GALNT17: variants seen among roughly 807,000 people sequenced by gnomAD.
GALNT17 encodes polypeptide N-acetylgalactosaminyltransferase 17.
GALNT17 carries 29 observed loss-of-function variants against 63.7 expected under a neutral mutation model. The observed-to-expected ratio is 0.46, with a 90% CI of 0.34 to 0.62. GALNT17 has a LOEUF of 0.62. Ranked by LOEUF, GALNT17 falls within the 20% of genes least tolerant of loss-of-function variation. The pLI, the probability that GALNT17 is intolerant of heterozygous loss-of-function variation, is 0.01. For missense variants in GALNT17, 603 were observed against 799.6 expected, an observed-to-expected ratio of 0.75 and a Z score of 2.97; for synonymous variants, 305 against 318.3, an observed-to-expected ratio of 0.96 and a Z score of 0.45.
intron 5 of GALNT17, among the ~76,000 whole-genome samples, chr7:71,499,243 G>A (rs1008112051): frequency 2.6e-5 from 4 of 152,158 alleles, no homozygotes; most frequent in Non-Finnish European, 5.9e-5. Flanking sequence ...GGCAGGGTTG[G>A]GGAGTGGAGT....
rs1793519319 is a variant in GALNT17 at position 71,415,991 on chromosome 7, T to C, written c.692T>C (p.Ile231Thr). 6.2e-7 allele frequency: 1 copy of C among 1,613,776 alleles called. No homozygotes were observed. The highest frequency in any genetic ancestry group is 8.5e-7 in the Non-Finnish European group (1 of 1,179,878). Residue 231 changes from isoleucine (I) to threonine (T), a missense_variant, in exon 4 of 11, where the codon ATT (isoleucine) becomes ACT (threonine). Physicochemically the swap from Ile to Thr is moderately conservative, Grantham distance 89 (BLOSUM62 -1). Coordinates refer to ENST00000333538, the MANE Select transcript of GALNT17 (RefSeq NM_022479.3). ...AGGGAAGGCCTGATCCGCGCTCGCA[T>C]TGAGGGCTGGAAGGTGGCTACCGGG... ...QKREGLIRAR[I>T]EGWKVATGQV...
chr7:71,528,182 C>T (rs1392908869), intron 5 of GALNT17, among the ~76,000 whole-genome samples: 1 of 152,198 alleles, frequency 6.6e-6, no homozygotes, highest in East Asian at 1.9e-4. Flanking sequence ...ACAAAATGGG[C>T]TGGGAATTCC....
intron 5 of GALNT17, among the ~76,000 whole-genome samples, chr7:71,497,664 T>C (rs916955477): frequency 3.3e-5 from 5 of 152,238 alleles, no homozygotes; most frequent in Non-Finnish European, 7.3e-5. Context: ...GTAAGTCCAC[T>C]GTGTGCTTAC....
chr7:71,551,306 C>T (rs1005974969), intron 5 of GALNT17, among the ~76,000 whole-genome samples: 1 of 151,908 alleles, frequency 6.6e-6, no homozygotes. Context: ...TTTCCTTTTT[C>T]AAATATGTTG....
chr7:71,246,349 C>A (rs1790097142), intron 1 of GALNT17, among the ~76,000 whole-genome samples: 1 of 151,638 alleles, frequency 6.6e-6, no homozygotes, highest in Non-Finnish European at 1.5e-5. Context: ...TTTCAAACTC[C>A]TGACCTCAAA....
At chr7:71,639,226 C>T (rs1584106463) in intron 6 of GALNT17, among the ~76,000 whole-genome samples, 1 of 151,958 alleles carries the variant, frequency 6.6e-6, no homozygotes, top group African/African-American at 2.4e-5. Context: ...CTACTGTGTA[C>T]CCACAAAAAT....
intron 1 of GALNT17, among the ~76,000 whole-genome samples, chr7:71,311,124 T>C (rs777510586): frequency 1.7e-4 from 26 of 152,344 alleles, no homozygotes; most frequent in Middle Eastern, 3.4e-3. Context: ...TGCAGGAAGC[T>C]GGAAGGAGAA....
intron 2 of GALNT17, among the ~76,000 whole-genome samples, chr7:71,354,273 G>C (rs1238096887): frequency 2.6e-5 from 4 of 152,212 alleles, no homozygotes; most frequent in Non-Finnish European, 5.9e-5. Context: ...TGTTGAATTA[G>C]TGGAGATAGT....
chr7:71,216,488 A>C (rs1383163039), intron 1 of GALNT17, among the ~76,000 whole-genome samples: 1 of 151,896 alleles, frequency 6.6e-6, no homozygotes, highest in East Asian at 1.9e-4. Context: ...GGAGAGGGCA[A>C]GTATACCTCC....
At chr7:71,304,260 T>C (rs1267226487) in intron 1 of GALNT17, among the ~76,000 whole-genome samples, 1 of 152,196 alleles carries the variant, frequency 6.6e-6, no homozygotes, top group East Asian at 1.9e-4. Context: ...ATTTACAACG[T>C]GCCAGCATAG....
chr7:71,287,608 C>G (rs1019103405), intron 1 of GALNT17, among the ~76,000 whole-genome samples: 3 of 152,142 alleles, frequency 2.0e-5, no homozygotes, highest in Non-Finnish European at 4.4e-5. Flanking sequence ...TCTGACTCCT[C>G]CAAAAGGTAA....
At chr7:71,214,494 C>T (rs562155219) in intron 1 of GALNT17, among the ~76,000 whole-genome samples, 1 of 152,042 alleles carries the variant, frequency 6.6e-6, no homozygotes, top group African/African-American at 2.4e-5. Flanking sequence ...GTCATGAGCC[C>T]CTTTCATCTC....
At chr7:71,525,051 C>CA (rs1372679955) in intron 5 of GALNT17, among the ~76,000 whole-genome samples, 1 of 152,164 alleles carries the variant, frequency 6.6e-6, no homozygotes, top group Admixed American at 6.5e-5. Context: ...GGAAAAGATA[C>CA]ATTTTATTAA....
chr7:71,533,501 G>A (rs1788753060), intron 5 of GALNT17, among the ~76,000 whole-genome samples: 1 of 152,108 alleles, frequency 6.6e-6, no homozygotes, highest in Non-Finnish European at 1.5e-5. Context: ...TTAGGATTGA[G>A]TTGCTGGTGA....
At chr7:71,518,457 G>A (rs1788477402) in intron 5 of GALNT17, among the ~76,000 whole-genome samples, 1 of 152,178 alleles carries the variant, frequency 6.6e-6, no homozygotes, top group African/African-American at 2.4e-5. Context: ...GCTATGCTTT[G>A]ACTGTGGTGT....
At chr7:71,452,111 C>G (rs765571550) in intron 5 of GALNT17, among the ~76,000 whole-genome samples, 1 of 151,968 alleles carries the variant, frequency 6.6e-6, no homozygotes. Flanking sequence ...ATAAATAGGG[C>G]GCACACCTGT....
At chr7:71,514,697 G>A (rs1370365362) in intron 5 of GALNT17, among the ~76,000 whole-genome samples, 1 of 152,110 alleles carries the variant, frequency 6.6e-6, no homozygotes, top group African/African-American at 2.4e-5. Context: ...TGTCTCTAAT[G>A]GCTTCATTTC....
At chr7:71,167,629 T>C (rs1292091852) in intron 1 of GALNT17, among the ~76,000 whole-genome samples, 3 of 152,216 alleles carry the variant, frequency 2.0e-5, no homozygotes, top group African/African-American at 7.2e-5. Flanking sequence ...ATACTTTTGG[T>C]ATCATATCTA....
At chr7:71,303,370 G>A (rs535250989) in intron 1 of GALNT17, among the ~76,000 whole-genome samples, 16 of 152,116 alleles carry the variant, frequency 1.1e-4, no homozygotes, top group African/African-American at 3.6e-4. Flanking sequence ...GTCCAGGCTG[G>A]TATTTATATC....
Sources: gnomAD v4.1 joint callset for allele counts (sites outside exome capture counted in the v4.1 genomes callset) on GRCh38, gnomAD v4.1.1 for gene constraint, MANE v1.5 for transcripts, NCBI Gene and HGNC (gene_info 2026-07-23, HGNC 2026-07-21) for gene names.